MACROD2: variants seen among roughly 807,000 people sequenced by gnomAD.
MACROD2 encodes the protein mono-ADP ribosylhydrolase 2.
Under a neutral mutation model 70.4 loss-of-function variants are expected in MACROD2, and 36 were observed. The ratio of observed to expected loss-of-function variants is 0.51; its 90% confidence interval spans 0.39 to 0.68. The LOEUF is 0.68. Among genes scored for constraint, MACROD2 ranks in the 30% least tolerant of loss-of-function variants. MACROD2 has a pLI of 0.00. For missense variants in MACROD2, 496 were observed against 538.4 expected (o/e 0.92, Z 0.78); for synonymous variants, 172 against 178.8 (o/e 0.96, Z 0.30).
At chr20:14,707,216 T>C (rs1010788718) in intron 5 of MACROD2, among the ~76,000 whole-genome samples, 19 of 152,096 alleles carry the variant, frequency 1.2e-4, no homozygotes, top group African/African-American at 4.6e-4. Flanking sequence ...CTTTTCTGTG[T>C]GGAGAGGCTT....
At chr20:14,781,333 C>T (rs2072298080) in intron 5 of MACROD2, among the ~76,000 whole-genome samples, 1 of 151,592 alleles carries the variant, frequency 6.6e-6, no homozygotes, top group African/African-American at 2.4e-5. Flanking sequence ...AACAGATGAC[C>T]TCAGGACATG....
At chr20:14,937,415 CA>C (rs1037995126) in intron 5 of MACROD2, among the ~76,000 whole-genome samples, 1 of 151,868 alleles carries the variant, frequency 6.6e-6, no homozygotes, top group African/African-American at 2.4e-5. Flanking sequence ...TTCTGAGTCT[CA>C]AAAAATATTC....
chr20:14,867,879 T>C (rs1173559874), intron 5 of MACROD2, among the ~76,000 whole-genome samples: 1 of 152,094 alleles, frequency 6.6e-6, no homozygotes, highest in African/African-American at 2.4e-5. Flanking sequence ...TAATGACCGA[T>C]GGTCACTTTC....
At chr20:14,967,783 A>G (rs1004405531) in intron 5 of MACROD2, among the ~76,000 whole-genome samples, 1 of 152,140 alleles carries the variant, frequency 6.6e-6, no homozygotes, top group African/African-American at 2.4e-5. Context: ...TAAGCAAAAT[A>G]TTTTGAACAA....
chr20:14,311,797 C>T (rs1340422903), intron 3 of MACROD2, among the ~76,000 whole-genome samples: 3 of 152,100 alleles, frequency 2.0e-5, no homozygotes, highest in Admixed American at 2.0e-4. Flanking sequence ...GGATTACAGG[C>T]GTGAGCCACC....
At chr20:14,074,936 A>G (rs1220648260) in intron 2 of MACROD2, among the ~76,000 whole-genome samples, 4 of 152,200 alleles carry the variant, frequency 2.6e-5, no homozygotes, top group Non-Finnish European at 4.4e-5. Flanking sequence ...GAAGTGAATC[A>G]TCCTTTTTCA....
chr20:15,667,477 A>G (rs1010404155), intron 8 of MACROD2, among the ~76,000 whole-genome samples: 3 of 148,312 alleles, frequency 2.0e-5, no homozygotes, highest in Non-Finnish European at 3.0e-5. Flanking sequence ...CTATGTATCT[A>G]TGTATCTATG....
At chr20:14,492,152 A>C (rs550796372) in intron 3 of MACROD2, among the ~76,000 whole-genome samples, 3 of 152,280 alleles carry the variant, frequency 2.0e-5, no homozygotes, top group African/African-American at 7.2e-5. Flanking sequence ...GTCTGTGTAA[A>C]TATCACACAC....
At chr20:14,253,629 TC>T (rs1482263899) in intron 3 of MACROD2, among the ~76,000 whole-genome samples, 1 of 152,122 alleles carries the variant, frequency 6.6e-6, no homozygotes, top group Non-Finnish European at 1.5e-5. Context: ...TCTCTACACT[TC>T]CTTGCAATTG....
At chr20:14,753,725 G>C (rs1377923073) in intron 5 of MACROD2, among the ~76,000 whole-genome samples, 1 of 152,038 alleles carries the variant, frequency 6.6e-6, no homozygotes, top group Admixed American at 6.5e-5. Context: ...CTAGGCAGTT[G>C]CTTTAATAAA....
intron 10 of MACROD2, among the ~76,000 whole-genome samples, chr20:15,890,023 A>G (rs1313544608): frequency 6.6e-6 from 1 of 152,166 alleles, no homozygotes; most frequent in Admixed American, 6.5e-5. Context: ...GGCCATATGT[A>G]TCTGTGACTT....
chr20:15,985,801 A>G (rs1367872397), intron 13 of MACROD2: 1 of 152,214 alleles, frequency 6.6e-6, no homozygotes, highest in African/African-American at 2.4e-5. Context: ...AACTTCTCAG[A>G]CACCGAGTTG....
intron 8 of MACROD2, among the ~76,000 whole-genome samples, chr20:15,528,147 TTTA>T (rs2047746458): frequency 6.6e-6 from 1 of 151,770 alleles, no homozygotes; most frequent in African/African-American, 2.4e-5. Context: ...CACATTTTTT[TTTA>T]TTTGAGACAG....
chr20:15,672,197 A>C (rs1298510521), intron 8 of MACROD2, among the ~76,000 whole-genome samples: 1 of 152,178 alleles, frequency 6.6e-6, no homozygotes, highest in Non-Finnish European at 1.5e-5. Flanking sequence ...AATAATAGAC[A>C]TTTTAATGAC....
At chr20:15,066,978 C>T (rs183600385) in intron 5 of MACROD2, among the ~76,000 whole-genome samples, 4 of 151,052 alleles carry the variant, frequency 2.6e-5, no homozygotes, top group Non-Finnish European at 5.9e-5. Flanking sequence ...TCATATACTA[C>T]AGTCAAATTT....
At chr20:14,877,298 T>TG (rs759993967) in intron 5 of MACROD2, among the ~76,000 whole-genome samples, 1 of 152,198 alleles carries the variant, frequency 6.6e-6, no homozygotes. Flanking sequence ...TTTTGTGCAT[T>TG]GATTTTATAT....
intron 3 of MACROD2, among the ~76,000 whole-genome samples, chr20:14,412,770 A>G (rs1000598033): frequency 3.3e-5 from 5 of 152,200 alleles, no homozygotes; most frequent in Admixed American, 6.5e-5. Context: ...TCACAAAAAA[A>G]CTATTGTCAT....
intron 3 of MACROD2, among the ~76,000 whole-genome samples, chr20:14,450,966 A>G (rs928934606): frequency 1.3e-5 from 2 of 152,128 alleles, no homozygotes; most frequent in Non-Finnish European, 2.9e-5. Flanking sequence ...TCATATCACC[A>G]TAGAAAGGGG....
chr20:15,994,432 G>A lies in MACROD2; in HGVS notation c.1153+7274G>A, dbSNP rs189225841. Among the ~76,000 whole-genome samples, 75 of 152,184 alleles carry A rather than the reference G, an allele frequency of 4.9e-4. No individual in the cohort carries two copies. In the East Asian group the frequency reaches 8.1e-3, roughly 16 times the overall value. The stretch of plus-strand genomic sequence containing the variant: ...AAACTCTTCGAACAAGATGTAGAAC[G>A]TTTTCATATATCACTCTTGAGAATA... On this transcript the variant is annotated intron_variant, in intron 15 of 17. Transcript: ENST00000684519.
Sources: allele counts gnomAD v4.1 joint callset (sites outside exome capture counted in the v4.1 genomes callset), GRCh38; gene constraint gnomAD v4.1.1; transcripts MANE v1.5; gene names NCBI Gene and HGNC (gene_info 2026-07-23, HGNC 2026-07-21).